MRTFA: variants seen among roughly 807,000 people sequenced by gnomAD.
MRTFA encodes myocardin-related transcription factor A.
A neutral mutation model predicts 83.5 loss-of-function variants in MRTFA; 20 were observed. That is an observed-to-expected ratio of 0.24 (90% confidence interval 0.17 to 0.35). The LOEUF (loss-of-function observed/expected upper bound fraction) is 0.35. Ranked by LOEUF, MRTFA falls within the 10% of genes least tolerant of loss-of-function variation. The pLI is 1.00. For synonymous variants in MRTFA, 659 were observed against 541.2 expected, an observed-to-expected ratio of 1.22 and a Z score of -3.02; for missense variants, 1,200 against 1,224.7, an observed-to-expected ratio of 0.98 and a Z score of 0.30.
chr22:40,501,985 AC>A (rs1261362875), intron 3 of MRTFA, among the ~76,000 whole-genome samples: 1 of 105,966 alleles, frequency 9.4e-6, no homozygotes, highest in Admixed American at 8.9e-5. Flanking sequence ...CGGGGGGCTG[AC>A]CCCCCCACCT....
In MRTFA at chr22:40,621,583, G is replaced by A. The variant is rs889682693; in HGVS notation, c.-84+14895C>T. Among the ~76,000 whole-genome samples the A allele has an allele frequency of 1.2e-4, 18 of 152,238 alleles. No homozygotes were observed. The South Asian group carries it at 3.1e-3, about 26-fold the overall frequency. ...AATATGAATGTACTTAACACCACTGGACAGTACACTTAAAAATGGTTACGA... is the reference window on the plus strand; with the variant it reads ...AATATGAATGTACTTAACACCACTGAACAGTACACTTAAAAATGGTTACGA... On this transcript the variant is annotated intron_variant, in intron 1 of 14. Transcript: ENST00000355630.
intron 1 of MRTFA, among the ~76,000 whole-genome samples, chr22:40,602,739 C>G (rs2056275036): frequency 6.6e-6 from 1 of 151,426 alleles, no homozygotes; most frequent in South Asian, 2.1e-4. Flanking sequence ...CCCAGTTACT[C>G]AGGAGGCTGA....
chr22:40,593,610 G>A (rs1227121924), intron 2 of MRTFA, among the ~76,000 whole-genome samples: 1 of 152,056 alleles, frequency 6.6e-6, no homozygotes, highest in African/African-American at 2.4e-5. Flanking sequence ...TTAATCTACC[G>A]TCTCCTCCTC....
At chr22:40,434,275 T>G (rs1326841935) in intron 5 of MRTFA, among the ~76,000 whole-genome samples, 3 of 151,964 alleles carry the variant, frequency 2.0e-5, no homozygotes, top group East Asian at 3.9e-4. Flanking sequence ...ACTAAACCAC[T>G]GCTGCTTGTT....
intron 3 of MRTFA, among the ~76,000 whole-genome samples, chr22:40,498,273 A>ATATATATTT (rs1569297933): frequency 2.4e-5 from 1 of 40,970 alleles, no homozygotes; most frequent in African/African-American, 1.1e-4. Flanking sequence ...ATATATATAT[A>ATATATATTT]TTTTTTTTTT....
At chr22:40,483,833 T>G (rs938433433) in intron 3 of MRTFA, among the ~76,000 whole-genome samples, 1 of 152,120 alleles carries the variant, frequency 6.6e-6, no homozygotes. Flanking sequence ...TAATCGGGAC[T>G]ACAGACGCAC....
At position 40,419,391 on chromosome 22, in the gene MRTFA, G is replaced by A. The variant is rs1003467172; in HGVS notation, c.1354-7C>T. On this transcript the variant is annotated splice_region_variant and splice_polypyrimidine_tract_variant and intron_variant, in intron 11 of 14. Transcript: ENST00000355630. ...CCTGCTTCAGCTCTGCCACCTGCAA[G>A]GCAGTCAAGAGTCAGGGAGGCCAGG... The A allele has an allele frequency of 9.3e-6, 15 of 1,612,636 alleles. No individual in the cohort carries two copies. The East Asian group carries it at 2.9e-4, about 31-fold the overall frequency.
intron 11 of MRTFA, among the ~76,000 whole-genome samples, chr22:40,419,641 C>A (rs2052783120): frequency 6.6e-6 from 1 of 152,214 alleles, no homozygotes; most frequent in African/African-American, 2.4e-5. Context: ...ATGGTGCCCA[C>A]AGCTGTCCCC....
chr22:40,419,265 G>C lies in MRTFA; in HGVS notation c.1473C>G (p.Pro491=), dbSNP rs746613007. 1 of 1,613,098 alleles carries C rather than the reference G, an allele frequency of 6.2e-7. No homozygotes were observed. Among genetic ancestry groups the C allele is most frequent in the Non-Finnish European group, 8.5e-7 (1 of 1,179,652 alleles). Residue 491 remains proline (P), a synonymous_variant, in exon 12 of 15, where the codon CCC becomes CCG. Transcript: ENST00000355630. ...GGATAGAGGTGGCGGCAGGGGCCTT[G>C]GGGGCTCCTGGCACAGGGCTGATTT...
chr22:40,549,801 C>T (rs2055417658), intron 3 of MRTFA, among the ~76,000 whole-genome samples: 1 of 152,152 alleles, frequency 6.6e-6, no homozygotes, highest in Non-Finnish European at 1.5e-5. Context: ...CCTATAATCC[C>T]AGCACTTTGG....
intron 3 of MRTFA, among the ~76,000 whole-genome samples, chr22:40,477,936 A>G (rs1330052796): frequency 6.6e-6 from 1 of 152,152 alleles, no homozygotes; most frequent in Admixed American, 6.5e-5. Context: ...TATAAAGAGC[A>G]AGCTTCAGAG....
At chr22:40,492,247 GCAC>G (rs2054283578) in intron 3 of MRTFA, among the ~76,000 whole-genome samples, 1 of 152,136 alleles carries the variant, frequency 6.6e-6, no homozygotes. Flanking sequence ...GTTAAAGTGG[GCAC>G]TTCATTCTAC....
At chr22:40,586,928 TGCTGCTGCTGCTGCCACC>T in intron 2 of MRTFA, 1 of 441,824 alleles carries the variant, frequency 2.3e-6, no homozygotes, top group Non-Finnish European at 4.6e-6. Flanking sequence ...GTGCTGGTGC[TGCTGCTGCTGCTGCCACC>T]GCCGCCGCTG....
At chr22:40,447,684 T>C (rs2053407650) in intron 4 of MRTFA, among the ~76,000 whole-genome samples, 1 of 152,224 alleles carries the variant, frequency 6.6e-6, no homozygotes, top group Non-Finnish European at 1.5e-5. Context: ...GAAAATGGTC[T>C]CCTTGTTTTC....
At position 40,419,186 on chromosome 22, in the gene MRTFA, C is replaced by T. The variant is rs200596048; in HGVS notation, c.1552G>A (p.Gly518Arg). The T allele has an allele frequency of 1.4e-5, 23 of 1,586,748 alleles. No homozygotes were observed. In the East Asian group the frequency reaches 5.1e-4, roughly 35 times the overall value. Residue 518 changes from glycine to arginine, a missense_variant, in exon 12 of 15, where the codon GGG becomes AGG. By Grantham distance (125) the Gly-to-Arg change is moderately radical. Coordinates refer to ENST00000355630, the MANE Select transcript of MRTFA (RefSeq NM_020831.6). ...AGGCCTGCTGCCACCAGGGCTGGCC[C>T]CGTGCTCAGCCGGGCCGCTGGGAAG...
Position 40,459,810 on chromosome 22 carries a change from C to T in MRTFA, c.307+3411G>A, listed in dbSNP as rs1458361997. 6.1e-5 allele frequency among the ~76,000 whole-genome samples: 7 copies of T among 115,094 alleles called. No homozygotes were observed. In the South Asian group the frequency reaches 2.2e-3, roughly 37 times the overall value. The allele number at this position is 115,094 out of a possible 152,430, so 75.5% of individuals were successfully genotyped here. On this transcript the variant is annotated intron_variant, in intron 4 of 14. Coordinates refer to ENST00000355630, the MANE Select transcript of MRTFA (RefSeq NM_020831.6). ...ACACACACACACACACACACACACA[C>T]ACACACACACACATATATACATATA...
At chr22:40,623,735 T>G (rs977824376) in intron 1 of MRTFA, among the ~76,000 whole-genome samples, 2 of 152,214 alleles carry the variant, frequency 1.3e-5, no homozygotes, top group African/African-American at 4.8e-5. Flanking sequence ...AAAATTAACA[T>G]GTATTAAATA....
intron 1 of MRTFA, among the ~76,000 whole-genome samples, chr22:40,616,588 T>C (rs2056451421): frequency 1.3e-5 from 2 of 152,270 alleles, no homozygotes; most frequent in African/African-American, 4.8e-5. Flanking sequence ...GATAATGGAA[T>C]GGACGTGAGG....
At chr22:40,472,056 C>T (rs935321972) in intron 3 of MRTFA, among the ~76,000 whole-genome samples, 2 of 152,128 alleles carry the variant, frequency 1.3e-5, no homozygotes, top group Non-Finnish European at 2.9e-5. Flanking sequence ...CAAAATTCCT[C>T]AACAAAATAC....
Sources: allele counts gnomAD v4.1 joint callset (sites outside exome capture counted in the v4.1 genomes callset), GRCh38; gene constraint gnomAD v4.1.1; transcripts MANE v1.5; gene names NCBI Gene and HGNC (gene_info 2026-07-23, HGNC 2026-07-21).